The following ABI3BP variants were observed in gnomAD, a reference collection of about 807,000 sequenced individuals.
ABI3BP encodes ABI family member 3 binding protein, also known as target of Nesh-SH3.
In ABI3BP, 216 loss-of-function variants were observed where a neutral mutation model predicts 268.6. The observed-to-expected ratio is 0.80, with a 90% CI of 0.72 to 0.90. The LOEUF is 0.90. ABI3BP is among the 40% of genes least tolerant of loss of function. The probability of loss-of-function intolerance (pLI) is 0.00; values close to 1 mark genes in which losing one functional copy is unlikely to be tolerated. For synonymous variants in ABI3BP, 730 were observed against 730.0 expected (o/e 1.00, Z 0.00); for missense variants, 2,090 against 2,182.4 (o/e 0.96, Z 0.84).
chr3:100,875,397 A>C, intron 8 of ABI3BP, 111 bp downstream of exon 8: 15 of 799,482 alleles, frequency 1.9e-5, no homozygotes, highest in Non-Finnish European at 3.0e-5. Context: ...AAAGGAAGTG[A>C]ACCACATCAA....
chr3:100,910,153 A>G (rs150582637), intron 2 of ABI3BP, among the ~76,000 whole-genome samples: 88,812 of 151,258 alleles, frequency 0.59, 26,855 homozygotes, highest in East Asian at 0.91. Context: ...ACAAACTAAC[A>G]CAGGAACAGA....
chr3:100,824,934 T>C lies in ABI3BP; in HGVS notation c.2670A>G (p.Lys890=). The C allele has an allele frequency of 6.5e-7, 1 of 1,535,732 alleles. No individual in the cohort carries two copies. Among genetic ancestry groups the C allele is most frequent in the African/African-American group, 1.4e-5 (1 of 73,086 alleles). The part of the protein sequence containing the change: ...TEIPATTLAT[K]TSKRTRPPRP... The stretch of plus-strand genomic sequence containing the variant: ...GTGGAGGGCGGGTTCTTTTTGATGT[T>C]TTGGTAGCTGAAGGAAGAAAAAGCC... The change falls in exon 36 of 68, where the codon AAA becomes AAG. Residue 890 remains lysine (K), a synonymous_variant. Transcript: ENST00000471714.
chr3:100,771,322 T>C (rs890050781), intron 61 of ABI3BP, among the ~76,000 whole-genome samples: 19 of 151,646 alleles, frequency 1.3e-4, no homozygotes, highest in Non-Finnish European at 1.9e-4. Context: ...AAAACTAGAC[T>C]CAAAAGAATC....
chr3:100,836,461 C>G (rs1050133657), intron 27 of ABI3BP, among the ~76,000 whole-genome samples: 1 of 152,036 alleles, frequency 6.6e-6, no homozygotes, highest in Non-Finnish European at 1.5e-5. Context: ...TCTTATTGCT[C>G]AAGACATCAT....
intron 4 of ABI3BP, among the ~76,000 whole-genome samples, chr3:100,890,960 C>T (rs576196168): frequency 5.1e-4 from 76 of 150,070 alleles, no homozygotes; most frequent in Admixed American, 8.7e-4. Context: ...TCTTTGGACT[C>T]GTGATAATTT....
intron 55 of ABI3BP, among the ~76,000 whole-genome samples, chr3:100,792,132 C>T (rs1245702213): frequency 6.6e-6 from 1 of 151,642 alleles, no homozygotes; most frequent in African/African-American, 2.4e-5. Flanking sequence ...TTTGTGTAGG[C>T]GAGTTCACTT....
intron 26 of ABI3BP, among the ~76,000 whole-genome samples, chr3:100,837,514 G>C (rs2098616483): frequency 6.6e-6 from 1 of 152,152 alleles, no homozygotes; most frequent in Admixed American, 6.5e-5. Flanking sequence ...AGCACTTTGG[G>C]AGGCCAAGGC....
chr3:100,875,429 G>T, intron 8 of ABI3BP, 79 bp downstream of exon 8: 2 of 1,105,280 alleles, frequency 1.8e-6, no homozygotes, highest in Non-Finnish European at 2.8e-6. Flanking sequence ...TACTCACACT[G>T]CAAAACTCCA....
chr3:100,907,361 A>G (rs1237811452), intron 2 of ABI3BP, among the ~76,000 whole-genome samples: 4 of 152,056 alleles, frequency 2.6e-5, no homozygotes, highest in African/African-American at 7.2e-5. Flanking sequence ...ATGCATTGTG[A>G]TGGGCACCTG....
intron 59 of ABI3BP, among the ~76,000 whole-genome samples, chr3:100,776,052 C>T (rs2096693681): frequency 6.6e-6 from 1 of 152,122 alleles, no homozygotes; most frequent in African/African-American, 2.4e-5. Flanking sequence ...ATAGTGCTAC[C>T]CTGATTGCTA....
At chr3:100,941,342 A>C (rs938046018) in intron 1 of ABI3BP, among the ~76,000 whole-genome samples, 2 of 152,090 alleles carry the variant, frequency 1.3e-5, no homozygotes, top group African/African-American at 4.8e-5. Flanking sequence ...CACTCCCTTC[A>C]TAAAGCCACA....
chr3:100,948,387 G>T (rs1338599939), intron 1 of ABI3BP, among the ~76,000 whole-genome samples: 1 of 152,082 alleles, frequency 6.6e-6, no homozygotes, highest in African/African-American at 2.4e-5. Flanking sequence ...AATGAAAAGT[G>T]CCAAACATAT....
chr3:100,754,762 T>C (rs1481484016), intron 63 of ABI3BP, 71 bp from the exon 64 acceptor site: 9 of 1,228,930 alleles, frequency 7.3e-6, no homozygotes, highest in Admixed American at 4.0e-5. Context: ...TGCCCTATTA[T>C]ACGGACATCC....
At chr3:100,859,767 T>A (rs114790020) in intron 14 of ABI3BP, among the ~76,000 whole-genome samples, 1,987 of 152,278 alleles carry the variant, frequency 0.013, 42 homozygotes, top group African/African-American at 0.045. Flanking sequence ...CAAGAGATAC[T>A]TAACTACCCA....
At chr3:100,886,375 G>C in intron 4 of ABI3BP, 52 bp from the exon 5 acceptor site, 1 of 1,270,368 alleles carries the variant, frequency 7.9e-7, no homozygotes, top group South Asian at 2.2e-5. Context: ...GATTCAGAAT[G>C]TTATTTCAAA....
rs372782345 is a variant in ABI3BP, at chr3:100,945,243, T to C, written c.80-18762A>G. Among the ~76,000 whole-genome samples the C allele has an allele frequency of 6.6e-5, 10 of 152,166 alleles. No individual in the cohort carries two copies. The East Asian group carries it at 1.4e-3, about 21-fold the overall frequency. On this transcript the variant is annotated intron_variant, in intron 1 of 67. Coordinates refer to ENST00000471714, the MANE Select transcript of ABI3BP (RefSeq NM_001375547.2). ...GGTCTCCCCAATTGTACTTCAAATA[T>C]ATAAAAAAAGGAACAAATATTTTCA...
rs757225606 is a variant in ABI3BP, at chr3:100,750,612, TGA to T, written c.5246-4_5246-3del. ...CCTGGCGAACTGCTCTGAAATAACC[TGA>T]GAGAGAAAATAGTTTCATTTTAATA... is the stretch of plus-strand genomic sequence containing the variant. On this transcript the variant is annotated splice_region_variant and splice_polypyrimidine_tract_variant and intron_variant, in intron 67 of 67. Coordinates refer to ENST00000471714, the MANE Select transcript of ABI3BP (RefSeq NM_001375547.2). 2 of 1,605,048 alleles carry T rather than the reference TGA, an allele frequency of 1.2e-6. No homozygotes were observed. The highest frequency in any genetic ancestry group is 1.7e-6 in the Non-Finnish European group (2 of 1,173,328).
chr3:100,761,867 A>C (rs1460715257), intron 63 of ABI3BP, among the ~76,000 whole-genome samples: 1 of 152,218 alleles, frequency 6.6e-6, no homozygotes, highest in Non-Finnish European at 1.5e-5. Flanking sequence ...CAAGTGATGG[A>C]AAATGCTACT....
intron 40 of ABI3BP, among the ~76,000 whole-genome samples, chr3:100,819,947 C>CAA (rs3029879): frequency 1.5e-3 from 142 of 94,074 alleles, no homozygotes; most frequent in Non-Finnish European, 1.6e-3. Context: ...GACTCCGTCT[C>CAA]AAAAAAAAAA....
Sources: gnomAD v4.1 joint callset for allele counts (sites outside exome capture counted in the v4.1 genomes callset) on GRCh38, gnomAD v4.1.1 for gene constraint, MANE v1.5 for transcripts, NCBI Gene and HGNC (gene_info 2026-07-23, HGNC 2026-07-21) for gene names.